ACTR3C: variants seen among roughly 807,000 people sequenced by gnomAD.
ACTR3C encodes actin related protein 3C.
In ACTR3C, 18 loss-of-function variants were observed where a neutral mutation model predicts 26.3. The ratio of observed to expected loss-of-function variants is 0.68; its 90% CI spans 0.47 to 1.01. The LOEUF (loss-of-function observed/expected upper bound fraction) is 1.01. Ranked by LOEUF, ACTR3C falls within the 50% of genes least tolerant of loss-of-function variation. The probability of loss-of-function intolerance (pLI) is 0.00; values close to 1 mark genes in which losing one functional copy is unlikely to be tolerated. For missense variants in ACTR3C, 184 were observed against 250.7 expected (o/e 0.73, Z 1.80); for synonymous variants, 55 against 94.5 (o/e 0.58, Z 2.42).
chr7:150,181,295 A>G, the ACTR3C span, among the ~76,000 whole-genome samples: 2 of 150,910 alleles, frequency 1.3e-5, no homozygotes, highest in African/African-American at 5.0e-5. Flanking sequence ...GCTCCTATAC[A>G]TTTGTTATTT....
intron 1 of ACTR3C, among the ~76,000 whole-genome samples, chr7:150,303,615 T>A (rs183173178): frequency 6.6e-6 from 1 of 152,344 alleles, no homozygotes; most frequent in East Asian, 1.9e-4. Flanking sequence ...TCCTTATGGG[T>A]TCTGAGGACC....
intron 6 of ACTR3C, among the ~76,000 whole-genome samples, chr7:150,265,459 C>T (rs1443555091): frequency 1.3e-5 from 2 of 151,678 alleles, no homozygotes; most frequent in Non-Finnish European, 2.9e-5. Flanking sequence ...TTTGGGAGGC[C>T]GAGGCAGGCG....
At chr7:150,211,307 A>G in the ACTR3C span, among the ~76,000 whole-genome samples, 2 of 150,550 alleles carry the variant, frequency 1.3e-5, no homozygotes, top group Non-Finnish European at 2.9e-5. Context: ...TTTTGAGACA[A>G]CATCTCACTC....
At chr7:150,253,886 T>G (rs1014811446) in intron 6 of ACTR3C, among the ~76,000 whole-genome samples, 1 of 150,810 alleles carries the variant, frequency 6.6e-6, no homozygotes, top group African/African-American at 2.5e-5. Context: ...TGTTGCAGGG[T>G]TGCTAAGTAC....
At chr7:149,932,263 C>T in the ACTR3C span, among the ~76,000 whole-genome samples, 3 of 152,202 alleles carry the variant, frequency 2.0e-5, no homozygotes, top group East Asian at 1.9e-4. Context: ...TTATATGACA[C>T]GGCCAGAGTA....
chr7:150,037,413 GTGGAGGAA>G, the ACTR3C span, among the ~76,000 whole-genome samples: 1 of 53,582 alleles, frequency 1.9e-5, no homozygotes, highest in African/African-American at 5.5e-5. Flanking sequence ...CTAAGAGCCA[GTGGAGGAA>G]CTAGGGGATG....
the ACTR3C span, among the ~76,000 whole-genome samples, chr7:150,110,337 T>C: frequency 5.3e-5 from 8 of 151,236 alleles, no homozygotes; most frequent in Admixed American, 3.3e-4. Context: ...CAGAAGGATG[T>C]CTCGGAGGCA....
At chr7:150,157,180 G>T in the ACTR3C span, among the ~76,000 whole-genome samples, 1 of 150,286 alleles carries the variant, frequency 6.7e-6, no homozygotes, top group Non-Finnish European at 1.5e-5. Context: ...ACTGCAGCAT[G>T]ATGTTGTCAA....
chr7:149,945,716 T>C, the ACTR3C span, among the ~76,000 whole-genome samples: 1 of 152,112 alleles, frequency 6.6e-6, no homozygotes, highest in African/African-American at 2.4e-5. Flanking sequence ...GTGGGACACA[T>C]GTTGGCAGCT....
chr7:150,031,685 A>G, the ACTR3C span, among the ~76,000 whole-genome samples: 13 of 151,782 alleles, frequency 8.6e-5, no homozygotes, highest in Admixed American at 8.5e-4. Context: ...GCCTTTTGCC[A>G]TTATACCTTG....
chr7:150,011,914 G>T, the ACTR3C span, among the ~76,000 whole-genome samples: 2 of 152,342 alleles, frequency 1.3e-5, no homozygotes, highest in South Asian at 4.1e-4. Context: ...ATGCATTAAT[G>T]ACTAATCACT....
chr7:150,241,970 C>T (rs1832202157), downstream of ACTR3C, among the ~76,000 whole-genome samples: 1 of 152,170 alleles, frequency 6.6e-6, no homozygotes, highest in Non-Finnish European at 1.5e-5. Context: ...GTAATCCCAG[C>T]ACTTTGGGAG....
the ACTR3C span, among the ~76,000 whole-genome samples, chr7:150,128,794 A>G: frequency 1.1e-4 from 16 of 152,064 alleles, no homozygotes; most frequent in African/African-American, 2.9e-4. Flanking sequence ...AAATACACGA[A>G]TGATGTGTTT....
At chr7:150,031,286 A>ACC in the ACTR3C span, among the ~76,000 whole-genome samples, 8 of 150,704 alleles carry the variant, frequency 5.3e-5, no homozygotes, top group Non-Finnish European at 8.9e-5. Context: ...AAAAAAAAAA[A>ACC]AACAAATCTG....
At chr7:150,301,850 C>A (rs1019256650) in intron 1 of ACTR3C, among the ~76,000 whole-genome samples, 11 of 151,690 alleles carry the variant, frequency 7.3e-5, no homozygotes, top group African/African-American at 2.7e-4. Context: ...GTAAAATGGG[C>A]ATTCCAGGGG....
chr7:150,034,889 C>T, the ACTR3C span, among the ~76,000 whole-genome samples: 2 of 145,472 alleles, frequency 1.4e-5, no homozygotes, highest in South Asian at 2.2e-4. Context: ...CAGTCCCTAC[C>T]TCGCGGGGGG....
the ACTR3C span, among the ~76,000 whole-genome samples, chr7:150,041,827 G>A: frequency 7.0e-6 from 1 of 142,154 alleles, no homozygotes; most frequent in Non-Finnish European, 1.5e-5. Context: ...GGTACTAAGA[G>A]CCAGGGGTGG....
At chr7:150,191,827 G>A in the ACTR3C span, among the ~76,000 whole-genome samples, 1 of 152,186 alleles carries the variant, frequency 6.6e-6, no homozygotes, top group Non-Finnish European at 1.5e-5. Flanking sequence ...TAACCACTCA[G>A]TTTTCACCAT....
At chr7:150,129,853 C>T in the ACTR3C span, among the ~76,000 whole-genome samples, 1 of 151,854 alleles carries the variant, frequency 6.6e-6, no homozygotes, top group Non-Finnish European at 1.5e-5. Context: ...TATATTGAAA[C>T]ATAAGTAATC....
Sources: allele counts gnomAD v4.1 joint callset (sites outside exome capture counted in the v4.1 genomes callset), GRCh38; gene constraint gnomAD v4.1.1; transcripts MANE v1.5; gene names NCBI Gene and HGNC (gene_info 2026-07-23, HGNC 2026-07-21).